Variants in MGAT4C observed in about 807,000 individuals in gnomAD.
MGAT4C encodes the protein MGAT4 family member C.
A neutral mutation model predicts 40.1 loss-of-function variants in MGAT4C; 19 were observed. That is an observed-to-expected ratio of 0.47 (90% CI 0.33 to 0.70). MGAT4C has a LOEUF of 0.70. MGAT4C is among the 30% of genes least tolerant of loss of function. The pLI, the probability that MGAT4C is intolerant of heterozygous loss-of-function variation, is 0.02. For synonymous variants in MGAT4C, 181 were observed against 187.1 expected (o/e 0.97, Z 0.27); for missense variants, 491 against 563.2 (o/e 0.87, Z 1.30).
At chr12:86,593,603 T>A (rs543217838) in intron 2 of MGAT4C, among the ~76,000 whole-genome samples, 5 of 152,328 alleles carry the variant, frequency 3.3e-5, no homozygotes, top group African/African-American at 1.2e-4. Context: ...ATTTTCTAAT[T>A]CCCCTGGTGA....
At chr12:86,065,119 T>C (rs547258797) in intron 1 of MGAT4C, among the ~76,000 whole-genome samples, 1 of 152,300 alleles carries the variant, frequency 6.6e-6, no homozygotes, top group Non-Finnish European at 1.5e-5. Flanking sequence ...CACAGCTGCA[T>C]TCTACCAGAG....
At chr12:86,439,743 C>T (rs1957196139) in intron 2 of MGAT4C, among the ~76,000 whole-genome samples, 2 of 151,488 alleles carry the variant, frequency 1.3e-5, no homozygotes, top group Non-Finnish European at 3.0e-5. Context: ...CCAGATTAGC[C>T]AAGAAGAGAG....
intron 2 of MGAT4C, among the ~76,000 whole-genome samples, chr12:86,563,691 A>G (rs1438782138): frequency 2.6e-5 from 4 of 152,162 alleles, no homozygotes; most frequent in Non-Finnish European, 4.4e-5. Flanking sequence ...TAGGGGAATG[A>G]TCAGACCTTT....
At chr12:86,335,538 C>T (rs958508353) in intron 3 of MGAT4C, among the ~76,000 whole-genome samples, 1 of 151,998 alleles carries the variant, frequency 6.6e-6, no homozygotes, top group Non-Finnish European at 1.5e-5. Context: ...GGGGTTGGTT[C>T]CAGGAACCTC....
chr12:86,384,864 C>T (rs1956022013), intron 3 of MGAT4C, among the ~76,000 whole-genome samples: 1 of 152,152 alleles, frequency 6.6e-6, no homozygotes, highest in Admixed American at 6.6e-5. Context: ...ACCAGCTACT[C>T]CTCTGCTCCT....
chr12:86,406,603 T>G (rs1956479961), intron 3 of MGAT4C, among the ~76,000 whole-genome samples: 1 of 151,870 alleles, frequency 6.6e-6, no homozygotes, highest in Non-Finnish European at 1.5e-5. Flanking sequence ...AAAAAAACAG[T>G]GACAATAGCA....
At chr12:86,085,560 T>A (rs1305101813) in intron 1 of MGAT4C, among the ~76,000 whole-genome samples, 1 of 152,002 alleles carries the variant, frequency 6.6e-6, no homozygotes, top group African/African-American at 2.4e-5. Flanking sequence ...CCTATATATC[T>A]GTTTTGGTAC....
chr12:86,676,625 A>T (rs1289494597), intron 2 of MGAT4C, among the ~76,000 whole-genome samples: 1 of 152,158 alleles, frequency 6.6e-6, no homozygotes, highest in Non-Finnish European at 1.5e-5. Flanking sequence ...GTAATTGGCT[A>T]TCTTTTTAGG....
At chr12:86,723,099 A>G (rs768793870) in intron 2 of MGAT4C, among the ~76,000 whole-genome samples, 12 of 152,172 alleles carry the variant, frequency 7.9e-5, no homozygotes, top group Non-Finnish European at 1.6e-4. Flanking sequence ...TTTATTCAGT[A>G]TTGTTTATAT....
At chr12:86,529,825 A>G (rs1592955829) in intron 2 of MGAT4C, among the ~76,000 whole-genome samples, 2 of 152,076 alleles carry the variant, frequency 1.3e-5, no homozygotes, top group East Asian at 1.9e-4. Context: ...GATTCATTCC[A>G]GGAGTCCTTC....
intron 1 of MGAT4C, among the ~76,000 whole-genome samples, chr12:86,139,855 C>T (rs914122336): frequency 6.6e-6 from 1 of 152,136 alleles, no homozygotes; most frequent in African/African-American, 2.4e-5. Flanking sequence ...TTTAGCTGCT[C>T]TGCATTTGCA....
intron 4 of MGAT4C, among the ~76,000 whole-genome samples, chr12:86,290,410 C>T (rs143012601): frequency 1.4e-4 from 22 of 152,218 alleles, no homozygotes; most frequent in African/African-American, 5.3e-4. Context: ...TTCAAATTTG[C>T]ATGACAAATA....
intron 2 of MGAT4C, among the ~76,000 whole-genome samples, chr12:86,497,929 TATA>T (rs1199374606): frequency 5.7e-4 from 77 of 135,600 alleles, no homozygotes; most frequent in East Asian, 4.0e-3. Context: ...CACACACACA[TATA>T]ATATTATATA....
chr12:86,507,276 ACTT>A (rs1461102867), intron 2 of MGAT4C, among the ~76,000 whole-genome samples: 3 of 152,168 alleles, frequency 2.0e-5, no homozygotes, highest in African/African-American at 4.8e-5. Context: ...TCTAATATCC[ACTT>A]CTTAGCCTCA....
At chr12:86,401,123 T>G (rs549912005) in intron 3 of MGAT4C, among the ~76,000 whole-genome samples, 1 of 152,190 alleles carries the variant, frequency 6.6e-6, no homozygotes, top group African/African-American at 2.4e-5. Context: ...TAATAGTGTT[T>G]ACATAGGTAA....
intron 1 of MGAT4C, among the ~76,000 whole-genome samples, chr12:86,836,208 T>A (rs1953034432): frequency 6.6e-6 from 1 of 152,020 alleles, no homozygotes; most frequent in Non-Finnish European, 1.5e-5. Flanking sequence ...AAAGGAGAAT[T>A]TGAAAACAAC....
chr12:86,366,174 C>A (rs1330851536), intron 3 of MGAT4C, among the ~76,000 whole-genome samples: 1 of 151,992 alleles, frequency 6.6e-6, no homozygotes, highest in East Asian at 1.9e-4. Flanking sequence ...GGATTGTGTT[C>A]TTGATTTGGC....
intron 2 of MGAT4C, among the ~76,000 whole-genome samples, chr12:86,575,025 T>C (rs897442163): frequency 3.3e-5 from 5 of 151,710 alleles, no homozygotes; most frequent in Non-Finnish European, 7.4e-5. Context: ...TCCAGGTCTA[T>C]GTTACATTCC....
chr12:86,359,670 A>G (rs1210436423), intron 3 of MGAT4C, among the ~76,000 whole-genome samples: 2 of 152,234 alleles, frequency 1.3e-5, no homozygotes, highest in Non-Finnish European at 2.9e-5. Context: ...TCCCACAGAA[A>G]TACAAACTAC....
Sources: allele counts gnomAD v4.1 joint callset (sites outside exome capture counted in the v4.1 genomes callset), GRCh38; gene constraint gnomAD v4.1.1; transcripts MANE v1.5; gene names NCBI Gene and HGNC (gene_info 2026-07-23, HGNC 2026-07-21).